NINJ2: variants seen among roughly 807,000 people sequenced by gnomAD.
NINJ2 encodes ninjurin 2, also known as ninjurin-2.
In NINJ2, 12 loss-of-function variants were observed where a neutral mutation model predicts 11.7. That is an observed-to-expected ratio of 1.02 (90% CI 0.66 to 1.66). The LOEUF is 1.66. Among genes scored for constraint, NINJ2 ranks in the 40% most tolerant of loss-of-function variants. NINJ2 has a pLI of 0.00. For synonymous variants in NINJ2, 93 were observed against 76.8 expected (o/e 1.21, Z -1.10); for missense variants, 187 against 181.8 (o/e 1.03, Z -0.16).
intron 1 of NINJ2, among the ~76,000 whole-genome samples, chr12:567,943 G>T (rs527418386): frequency 2.0e-5 from 3 of 152,218 alleles, no homozygotes; most frequent in Non-Finnish European, 2.9e-5. Context: ...GGAGGCAGAG[G>T]TTGCAGTGAG....
intron 1 of NINJ2, among the ~76,000 whole-genome samples, chr12:625,701 T>C (rs1022896518): frequency 2.6e-5 from 4 of 152,310 alleles, no homozygotes; most frequent in Non-Finnish European, 5.9e-5. Flanking sequence ...CAGAGTCTAC[T>C]ATAAAGTACC....
intron 1 of NINJ2, among the ~76,000 whole-genome samples, chr12:660,909 T>C (rs1222260274): frequency 1.3e-5 from 2 of 152,062 alleles, no homozygotes; most frequent in South Asian, 2.1e-4. Flanking sequence ...TGCAGTGAGC[T>C]GAGATTTTGC....
At chr12:615,979 C>T (rs1948086812) in intron 1 of NINJ2, among the ~76,000 whole-genome samples, 1 of 152,094 alleles carries the variant, frequency 6.6e-6, no homozygotes, top group Non-Finnish European at 1.5e-5. Context: ...GGGGTTTTAG[C>T]TAGGGTGAGG....
In NINJ2 at chr12:663,314, C is replaced by T; in HGVS notation, c.33+14G>A. 1 of 1,612,086 alleles carries T rather than the reference C, an allele frequency of 6.2e-7. No individual in the cohort carries two copies. Among genetic ancestry groups the T allele is most frequent in the East Asian group, 2.2e-5 (1 of 44,878 alleles). ...TCCCGGTCTCCCCTCTGCTCTCTTCCAGAGAGAACTTACTTGAAGGTCGAT... is the reference window on the plus strand; with the variant it reads ...TCCCGGTCTCCCCTCTGCTCTCTTCTAGAGAGAACTTACTTGAAGGTCGAT... On this transcript the variant is annotated intron_variant, in intron 1 of 3. Coordinates refer to ENST00000305108, the MANE Select transcript of NINJ2 (RefSeq NM_016533.6).
intron 1 of NINJ2, chr12:644,127 A>G (rs1191763631): frequency 1.3e-5 from 2 of 154,896 alleles, no homozygotes; most frequent in African/African-American, 4.8e-5. Context: ...AAAACCGGAA[A>G]CAACTGTAAA....
chr12:610,351 A>G (rs1051571781), intron 1 of NINJ2: 36 of 1,535,350 alleles, frequency 2.3e-5, no homozygotes, highest in South Asian at 5.9e-5. Context: ...CTTACCATAT[A>G]CATCATGACT....
At chr12:599,172 A>G (rs879123375) in intron 1 of NINJ2, among the ~76,000 whole-genome samples, 2 of 151,854 alleles carry the variant, frequency 1.3e-5, no homozygotes, top group Admixed American at 6.6e-5. Context: ...ACCTGAGGTC[A>G]GGAGTTCGAG....
chr12:651,558 A>G (rs1592118806), intron 1 of NINJ2, among the ~76,000 whole-genome samples: 1 of 152,236 alleles, frequency 6.6e-6, no homozygotes. Flanking sequence ...TCAAGAAAAA[A>G]TTACAAGGCA....
At chr12:636,124 C>T (rs1453079162) in intron 1 of NINJ2, among the ~76,000 whole-genome samples, 3 of 152,066 alleles carry the variant, frequency 2.0e-5, no homozygotes, top group Non-Finnish European at 4.4e-5. Context: ...CGCCTGTAAT[C>T]CTAGCACTTT....
At chr12:634,694 G>C (rs914061502) in intron 1 of NINJ2, among the ~76,000 whole-genome samples, 6 of 152,140 alleles carry the variant, frequency 3.9e-5, no homozygotes, top group African/African-American at 1.4e-4. Flanking sequence ...AAGATATTAA[G>C]GGGGGATGAG....
chr12:609,192 A>ACG, intron 1 of NINJ2, among the ~76,000 whole-genome samples: 4 of 120,822 alleles, frequency 3.3e-5, no homozygotes, highest in South Asian at 2.7e-4. Context: ...TAGGTGCTGA[A>ACG]CGCACACGCA....
rs1185755822 is a variant in NINJ2 at position 609,770 on chromosome 12, C to CAAA, written c.34-43595_34-43593dup. Among the ~76,000 whole-genome samples the CAAA allele has an allele frequency of 4.3e-3, 379 of 88,794 alleles. 6 individuals are homozygous for CAAA. Among genetic ancestry groups the CAAA allele is most frequent in the South Asian group, 0.036 (84 of 2,324 alleles). The allele number at this position is 88,794 out of a possible 152,430, so 58.3% of individuals were successfully genotyped here. A position where few individuals can be genotyped will look rare whatever the true frequency, so the allele number is the denominator to read the frequency against. On this transcript the variant is annotated intron_variant, in intron 1 of 3. Coordinates refer to ENST00000305108, the MANE Select transcript of NINJ2 (RefSeq NM_016533.6). ...TGGGCAACAGAGTGAGACTCTGCCT[C>CAAA]AAAAAAAAAAAAAAAAATAGGGAAA...
chr12:599,497 A>G (rs1377896738), intron 1 of NINJ2, among the ~76,000 whole-genome samples: 1 of 152,188 alleles, frequency 6.6e-6, no homozygotes, highest in Non-Finnish European at 1.5e-5. Context: ...TGTCCTAGCT[A>G]CAGCACAAGC....
chr12:648,535 G>A (rs940136650), intron 1 of NINJ2, among the ~76,000 whole-genome samples: 5 of 152,178 alleles, frequency 3.3e-5, no homozygotes, highest in South Asian at 2.1e-4. Context: ...TGAACTGACC[G>A]AATGAATGGT....
chr12:617,821 T>A (rs1178121809), intron 1 of NINJ2, among the ~76,000 whole-genome samples: 1 of 152,122 alleles, frequency 6.6e-6, no homozygotes, highest in African/African-American at 2.4e-5. Context: ...AAGGGGCCTC[T>A]CCCTCACAGG....
chr12:618,503 G>T (rs889063611), intron 1 of NINJ2, among the ~76,000 whole-genome samples: 1 of 152,116 alleles, frequency 6.6e-6, no homozygotes, highest in African/African-American at 2.4e-5. Context: ...GTAATCAGTT[G>T]TGCCTGATCT....
At chr12:600,350 A>C (rs34289424) in intron 1 of NINJ2, among the ~76,000 whole-genome samples, 56,852 of 151,980 alleles carry the variant, frequency 0.37, 11,915 homozygotes, top group Non-Finnish European at 0.49. Context: ...CTCAGGAGTT[A>C]GAGACCAGCC....
intron 1 of NINJ2, among the ~76,000 whole-genome samples, chr12:653,806 G>A (rs1937831968): frequency 6.6e-6 from 1 of 152,142 alleles, no homozygotes; most frequent in Non-Finnish European, 1.5e-5. Context: ...AATGTCAATG[G>A]TCTAAGTGCA....
At chr12:608,850 T>G (rs1947974990) in intron 1 of NINJ2, among the ~76,000 whole-genome samples, 1 of 152,212 alleles carries the variant, frequency 6.6e-6, no homozygotes, top group South Asian at 2.1e-4. Context: ...CAGGTCCATG[T>G]TTAATCTTCC....
Sources: gnomAD v4.1 joint callset for allele counts (sites outside exome capture counted in the v4.1 genomes callset) on GRCh38, gnomAD v4.1.1 for gene constraint, MANE v1.5 for transcripts, NCBI Gene and HGNC (gene_info 2026-07-23, HGNC 2026-07-21) for gene names.